The following AP3D1 variants were observed in gnomAD, a reference collection of about 807,000 sequenced individuals.
AP3D1 encodes AP-3 complex subunit delta-1.
Under a neutral mutation model 147.6 loss-of-function variants are expected in AP3D1, and 51 were observed. That is an observed-to-expected ratio of 0.35 (90% confidence interval 0.28 to 0.44). The LOEUF is 0.44. Among genes scored for constraint, AP3D1 ranks in the 20% least tolerant of loss-of-function variants. The probability of loss-of-function intolerance (pLI) is 1.00; values close to 1 mark genes in which losing one functional copy is unlikely to be tolerated. For synonymous variants in AP3D1, 760 were observed against 663.0 expected (o/e 1.15, Z -2.25); for missense variants, 1,421 against 1,624.2 (o/e 0.87, Z 2.15).
chr19:2,119,178 T>C (rs891253410), intron 14 of AP3D1, among the ~76,000 whole-genome samples: 1 of 152,180 alleles, frequency 6.6e-6, no homozygotes, highest in Non-Finnish European at 1.5e-5. Flanking sequence ...TGTGGGACAG[T>C]GGGGCCTCGG....
At position 2,101,987 on chromosome 19, in the gene AP3D1, A is replaced by T; in HGVS notation, c.*186T>A. On this transcript the variant is annotated 3_prime_UTR_variant, in exon 32 of 32. Coordinates refer to ENST00000643116, the MANE Select transcript of AP3D1 (RefSeq NM_001261826.3). Reference sequence around the variant, plus strand: ...CAAAGAGAATGGGAAGAGTCACAGTAAAAAAGGATGGTCAGATAATTCAAC... The same window carrying T: ...CAAAGAGAATGGGAAGAGTCACAGTTAAAAAGGATGGTCAGATAATTCAAC... The T allele has an allele frequency of 1.7e-6, 1 of 576,108 alleles. No homozygotes were observed. The allele number at this position is 576,108 out of a possible 1,614,324, so 35.7% of individuals were successfully genotyped here.
In AP3D1 at chr19:2,114,749, T is replaced by C. The variant is rs1017252275; in HGVS notation, c.2422A>G (p.Lys808Glu). 6.2e-7 allele frequency: 1 copy of C among 1,612,514 alleles called. No homozygotes were observed. The highest frequency in any genetic ancestry group is 1.3e-5 in the African/African-American group (1 of 74,880). ...CACCCTGAACCCATATGGACTCACT[T>C]ATCCAGGTCAATATCCAGAGCCCTG... ...PYRALDIDLD[K>E]PLADSEKLPI... The change falls in exon 21 of 32, where the codon AAG becomes GAG. Residue 808 changes from lysine to glutamate, a missense_variant and splice_region_variant. Lys to Glu is a moderately conservative substitution (Grantham distance 56). Transcript: ENST00000643116.
intron 11 of AP3D1, among the ~76,000 whole-genome samples, chr19:2,122,754 C>T (rs1487423218): frequency 1.3e-5 from 2 of 152,142 alleles, no homozygotes; most frequent in Non-Finnish European, 2.9e-5. Flanking sequence ...GTACCTGAAA[C>T]CTCAGATAAG....
intron 29 of AP3D1, 181 bp from the exon 30 acceptor site, chr19:2,109,388 C>A: frequency 1.3e-6 from 1 of 749,572 alleles, no homozygotes; most frequent in East Asian, 2.8e-5. Flanking sequence ...CCGTCACACC[C>A]AGAAACTGAC....
chr19:2,149,799 G>C (rs921614182), intron 1 of AP3D1, among the ~76,000 whole-genome samples: 1 of 152,196 alleles, frequency 6.6e-6, no homozygotes, highest in Non-Finnish European at 1.5e-5. Flanking sequence ...GAGCAGGGAC[G>C]GGCGCTGGGA....
chr19:2,159,359 C>T (rs1001530554), intron 1 of AP3D1, among the ~76,000 whole-genome samples: 8 of 151,962 alleles, frequency 5.3e-5, no homozygotes, highest in Non-Finnish European at 5.9e-5. Flanking sequence ...GCCGGGATTA[C>T]AGGCATGCGC....
At chr19:2,155,137 C>T (rs144821294), upstream of AP3D1, among the ~76,000 whole-genome samples, 3,820 of 150,748 alleles carry the variant, frequency 0.025, 113 homozygotes, top group East Asian at 0.14. Flanking sequence ...GCCGAGATCG[C>T]GCCATTGCAC....
chr19:2,146,727 G>A (rs530959796), intron 1 of AP3D1, among the ~76,000 whole-genome samples: 5 of 152,110 alleles, frequency 3.3e-5, no homozygotes, highest in African/African-American at 7.2e-5. Context: ...CACCACCACC[G>A]TGACAGCACG....
intron 23 of AP3D1, 118 bp from the exon 24 acceptor site, chr19:2,113,085 C>T: frequency 1.4e-6 from 1 of 716,188 alleles, no homozygotes; most frequent in Non-Finnish European, 2.3e-6. Context: ...CCTGAGAGGC[C>T]ACAGTGCCCT....
chr19:2,161,495 C>T (rs2019698496), intron 1 of AP3D1, among the ~76,000 whole-genome samples: 1 of 151,954 alleles, frequency 6.6e-6, no homozygotes, highest in Non-Finnish European at 1.5e-5. Flanking sequence ...GACTTGCATT[C>T]CTTAGATAAA....
At chr19:2,127,027 C>G in intron 9 of AP3D1, 125 bp downstream of exon 9, 1 of 1,052,528 alleles carries the variant, frequency 9.5e-7, no homozygotes, top group Middle Eastern at 2.1e-4. Context: ...CACCAGCCAG[C>G]TTTCCTTCTC....
At chr19:2,155,360 C>CA (rs112377403), upstream of AP3D1, among the ~76,000 whole-genome samples, 6,264 of 137,886 alleles carry the variant, frequency 0.045, 454 homozygotes, top group African/African-American at 0.16. Flanking sequence ...GACTCCATCT[C>CA]AAAAAAAAAA....
At chr19:2,132,678 C>T (rs1342665134) in intron 4 of AP3D1, 100 bp from the exon 5 acceptor site, 4 of 958,800 alleles carry the variant, frequency 4.2e-6, no homozygotes, top group Admixed American at 2.0e-5. Flanking sequence ...TCCCAGGATG[C>T]CCCAGGACTC....
chr19:2,163,825 G>A (rs2019799401), intron 1 of AP3D1, among the ~76,000 whole-genome samples: 1 of 150,738 alleles, frequency 6.6e-6, no homozygotes, highest in Admixed American at 6.6e-5. Flanking sequence ...GGGGCGCCGA[G>A]GGGGTGGCGC....
intron 1 of AP3D1, among the ~76,000 whole-genome samples, chr19:2,144,533 C>A (rs1003677778): frequency 1.3e-5 from 2 of 152,156 alleles, no homozygotes; most frequent in African/African-American, 4.8e-5. Context: ...AGCCCCAGCC[C>A]GTCTCTGTGC....
intron 1 of AP3D1, among the ~76,000 whole-genome samples, chr19:2,147,647 G>C (rs1383878827): frequency 6.6e-6 from 1 of 151,868 alleles, no homozygotes; most frequent in Non-Finnish European, 1.5e-5. Flanking sequence ...TGTAATCCCA[G>C]CACTTTGGGA....
chr19:2,108,540 C>A lies in AP3D1; in HGVS notation c.3552+147G>T, dbSNP rs73512344. On this transcript the variant is annotated intron_variant, in intron 31 of 31. Coordinates refer to ENST00000643116, the MANE Select transcript of AP3D1 (RefSeq NM_001261826.3). The stretch of plus-strand genomic sequence containing the variant: ...AGTCTGTGCTGCTGAGTGGGGCTGG[C>A]ACAGGTGAGGGGCTCATGGCAGCAG... The A allele has an allele frequency of 2.9e-3, 2,040 of 701,162 alleles. 29 individuals carry two copies. In the African/African-American group the frequency reaches 0.031, roughly 11 times the overall value. 43.4% of individuals were successfully genotyped at this position (701,162 alleles called of 1,614,324 possible).
intron 9 of AP3D1, among the ~76,000 whole-genome samples, chr19:2,124,993 A>AGGTGGGG (rs2018712991): frequency 6.6e-6 from 1 of 152,114 alleles, no homozygotes; most frequent in South Asian, 2.1e-4. Flanking sequence ...GACTTGTGGG[A>AGGTGGGG]GGTGGGGGGT....
Position 2,120,996 on chromosome 19 carries a change from C to T in AP3D1, c.1347G>A (p.Lys449=). The change falls in exon 14 of 32, where the codon AAG becomes AAA. Residue 449 remains lysine, a synonymous_variant. Coordinates refer to ENST00000643116, the MANE Select transcript of AP3D1 (RefSeq NM_001261826.3). ...GGGACACGGCGAACTTGCGGATGGC[C>T]TTCACGCGGATGGCCACGTCCAGCA... ...AQMLDVAIRV[K]AIRKFAVSQM... 1 of 1,612,338 alleles carries T rather than the reference C, an allele frequency of 6.2e-7. No homozygotes were observed. The highest frequency in any genetic ancestry group is 1.1e-5 in the South Asian group (1 of 91,090).
Sources: allele counts gnomAD v4.1 joint callset (sites outside exome capture counted in the v4.1 genomes callset), GRCh38; gene constraint gnomAD v4.1.1; transcripts MANE v1.5; gene names NCBI Gene and HGNC (gene_info 2026-07-23, HGNC 2026-07-21).